Variants in LRP1B observed in about 807,000 individuals in gnomAD.
LRP1B encodes LDL receptor related protein 1B, also known as low-density lipoprotein receptor-related protein 1B.
Under a neutral mutation model 556.6 loss-of-function variants are expected in LRP1B, and 217 were observed. The observed-to-expected ratio is 0.39, with a 90% CI of 0.35 to 0.44. LRP1B has a LOEUF of 0.44. LRP1B is among the 20% of genes least tolerant of loss of function. The probability of loss-of-function intolerance (pLI) is 1.00; values close to 1 mark genes in which losing one functional copy is unlikely to be tolerated. For missense variants in LRP1B, 5,053 were observed against 5,620.8 expected (o/e 0.90, Z 3.23); for synonymous variants, 2,047 against 1,865.8 (o/e 1.10, Z -2.50).
At chr2:140,938,038 TCAACATCTCTAACA>T (rs1295350907) in intron 20 of LRP1B, among the ~76,000 whole-genome samples, 2 of 151,952 alleles carry the variant, frequency 1.3e-5, no homozygotes, top group Admixed American at 6.6e-5. Context: ...GCTGTCTCAA[TCAACATCTCTAACA>T]CAGGATGCAA....
chr2:140,584,875 CCTTTT>C (rs147636241), intron 43 of LRP1B, among the ~76,000 whole-genome samples: 1 of 151,410 alleles, frequency 6.6e-6, no homozygotes, highest in African/African-American at 2.4e-5. Context: ...TTGATTTTGG[CCTTTT>C]CTTTTTTTTA....
intron 2 of LRP1B, among the ~76,000 whole-genome samples, chr2:141,769,600 G>A (rs752689439): frequency 6.6e-6 from 1 of 152,150 alleles, no homozygotes; most frequent in Non-Finnish European, 1.5e-5. Context: ...GTTCTGGATG[G>A]TTAGGGCAAA....
At chr2:140,793,362 G>C (rs1002354397) in intron 32 of LRP1B, among the ~76,000 whole-genome samples, 1 of 151,768 alleles carries the variant, frequency 6.6e-6, no homozygotes, top group African/African-American at 2.4e-5. Flanking sequence ...CTTTAATCTG[G>C]TTTGAGCACA....
chr2:140,536,876 TAAG>T (rs949454802), intron 45 of LRP1B, among the ~76,000 whole-genome samples, 167 bp from the exon 46 acceptor site: 2 of 151,798 alleles, frequency 1.3e-5, no homozygotes, highest in African/African-American at 2.4e-5. Flanking sequence ...ATTAAGATCT[TAAG>T]AAATAATTTT....
At chr2:140,382,355 ATAAAG>A (rs1360595576) in intron 67 of LRP1B, among the ~76,000 whole-genome samples, 4 of 152,188 alleles carry the variant, frequency 2.6e-5, no homozygotes, top group African/African-American at 4.8e-5. Flanking sequence ...ATGTAAGGCT[ATAAAG>A]TAATTTATTT....
chr2:141,641,456 C>T (rs1480296067), intron 2 of LRP1B, among the ~76,000 whole-genome samples: 1 of 151,974 alleles, frequency 6.6e-6, no homozygotes, highest in Non-Finnish European at 1.5e-5. Flanking sequence ...TCATTATAGG[C>T]TATATAGTTT....
At chr2:142,019,219 C>A (rs1703251507) in intron 1 of LRP1B, among the ~76,000 whole-genome samples, 1 of 152,088 alleles carries the variant, frequency 6.6e-6, no homozygotes, top group Non-Finnish European at 1.5e-5. Flanking sequence ...GAGAAATTAA[C>A]CATATTGTGT....
rs142295333 is a variant in LRP1B at position 140,462,557 on chromosome 2, G to A, written c.9626-4906C>T. Among the ~76,000 whole-genome samples the A allele has an allele frequency of 3.1e-3, 479 of 152,278 alleles. 6 individuals are homozygous for A. Among genetic ancestry groups the A allele is most frequent in the African/African-American group, 0.011 (454 of 41,554 alleles). On this transcript the variant is annotated intron_variant, in intron 60 of 90. Coordinates refer to ENST00000389484, the MANE Select transcript of LRP1B (RefSeq NM_018557.3). ...AGTTGAGCGTAGATGGAAAGGGGAT[G>A]AATAAATATTCTGACTTCCTTTTCT...
At chr2:140,722,177 T>C (rs1341342689) in intron 35 of LRP1B, among the ~76,000 whole-genome samples, 1 of 152,238 alleles carries the variant, frequency 6.6e-6, no homozygotes, top group Non-Finnish European at 1.5e-5. Context: ...ATTCATCTTT[T>C]CTGTTGAAAG....
chr2:141,501,892 A>G (rs1683726090), intron 2 of LRP1B, among the ~76,000 whole-genome samples: 1 of 140,500 alleles, frequency 7.1e-6, no homozygotes, highest in South Asian at 2.4e-4. Flanking sequence ...TATGACTGAG[A>G]AAGTGACTGA....
intron 29 of LRP1B, among the ~76,000 whole-genome samples, chr2:140,847,494 C>T (rs768523251): frequency 3.3e-5 from 5 of 152,102 alleles, no homozygotes; most frequent in South Asian, 2.1e-4. Flanking sequence ...TCAGGCTGGG[C>T]GCAGTGGTTC....
At chr2:140,787,557 G>GTTTTTTTT (rs1689949168) in intron 32 of LRP1B, among the ~76,000 whole-genome samples, 1 of 81,870 alleles carries the variant, frequency 1.2e-5, no homozygotes, top group African/African-American at 5.5e-5. Context: ...TAAAACAGAA[G>GTTTTTTTT]ATTTTTTTTT....
chr2:141,347,134 A>G (rs1332368963), intron 3 of LRP1B, among the ~76,000 whole-genome samples: 1 of 152,126 alleles, frequency 6.6e-6, no homozygotes, highest in African/African-American at 2.4e-5. Flanking sequence ...TAAGTTTTGT[A>G]TAAGTTACTT....
chr2:140,233,156 A>G lies in LRP1B; in HGVS notation c.*30T>C, dbSNP rs147658745. ...CAAAAGTAATCCTTATATTTTATAC[A>G]TTTATACAGCATATAAAAGATATCA... On this transcript the variant is annotated 3_prime_UTR_variant, in exon 91 of 91. Coordinates refer to ENST00000389484, the MANE Select transcript of LRP1B (RefSeq NM_018557.3). 21 of 1,453,218 alleles carry G rather than the reference A, an allele frequency of 1.4e-5. No homozygotes were observed. Among genetic ancestry groups the G allele is most frequent in the Non-Finnish European group, 2.9e-6 (3 of 1,051,444 alleles). 90.0% of individuals were successfully genotyped at this position (1,453,218 alleles called of 1,614,324 possible).
In LRP1B at chr2:141,710,542, C is replaced by G. The variant is rs1220390050; in HGVS notation, c.205+99737G>C. On this transcript the variant is annotated intron_variant, in intron 2 of 90. Coordinates refer to ENST00000389484, the MANE Select transcript of LRP1B (RefSeq NM_018557.3). ...AGGTTCTTCCACTCAAGTGCATCACCTGTTGCTCTATCTATAGGGGTTGAA... is the reference window on the plus strand; with the variant it reads ...AGGTTCTTCCACTCAAGTGCATCACGTGTTGCTCTATCTATAGGGGTTGAA... 3.3e-5 allele frequency among the ~76,000 whole-genome samples: 5 copies of G among 152,124 alleles called. No homozygotes were observed. The South Asian group carries it at 1.0e-3, about 32-fold the overall frequency.
At position 140,516,985 on chromosome 2, in the gene LRP1B, T is replaced by G; in HGVS notation, c.8053A>C (p.Asn2685His). 6.3e-7 allele frequency: 1 copy of G among 1,594,772 alleles called. No homozygotes were observed. Among genetic ancestry groups the G allele is most frequent in the Non-Finnish European group, 8.6e-7 (1 of 1,162,580 alleles). Reference sequence around the variant, plus strand: ...CTTCCACTAGGACAACTAAAATAATTTTCTTCACATTTGTGTTTGTTTTGA... The same window carrying G: ...CTTCCACTAGGACAACTAAAATAATGTTCTTCACATTTGTGTTTGTTTTGA... ...PVQNKHKCEENYFSCPSGRCI... is the reference protein window; with the variant it reads ...PVQNKHKCEEHYFSCPSGRCI... Residue 2685 changes from asparagine to histidine, a missense_variant, in exon 50 of 91, where the codon AAT (asparagine) becomes CAT (histidine). Asn to His is a moderately conservative substitution (Grantham distance 68, BLOSUM62 1). Transcript: ENST00000389484.
At chr2:141,947,879 G>A (rs1700999949) in intron 1 of LRP1B, among the ~76,000 whole-genome samples, 1 of 151,112 alleles carries the variant, frequency 6.6e-6, no homozygotes, top group Admixed American at 6.6e-5. Flanking sequence ...ACTCACATCT[G>A]TTGAGCTGTG....
chr2:140,611,397 T>G (rs1683067135), intron 41 of LRP1B, among the ~76,000 whole-genome samples: 1 of 151,992 alleles, frequency 6.6e-6, no homozygotes, highest in Non-Finnish European at 1.5e-5. Flanking sequence ...TTAGAAAATA[T>G]CAAATTTTGA....
At position 140,788,996 on chromosome 2, in the gene LRP1B, A is replaced by G. The variant is rs75119415; in HGVS notation, c.5360-12758T>C. Among the ~76,000 whole-genome samples, 71 of 152,224 alleles carry G rather than the reference A, an allele frequency of 4.7e-4. 1 individual carries two copies. The highest frequency in any genetic ancestry group is 1.7e-3 in the African/African-American group (70 of 41,556). On this transcript the variant is annotated intron_variant, in intron 32 of 90. Coordinates refer to ENST00000389484, the MANE Select transcript of LRP1B (RefSeq NM_018557.3). ...GACCTCAGAAGAAACCAAACCTACTAACACCTTGATTTCGGATTTCTAAGC... is the reference window on the plus strand; with the variant it reads ...GACCTCAGAAGAAACCAAACCTACTGACACCTTGATTTCGGATTTCTAAGC...
Sources: gnomAD v4.1 joint callset for allele counts (sites outside exome capture counted in the v4.1 genomes callset) on GRCh38, gnomAD v4.1.1 for gene constraint, MANE v1.5 for transcripts, NCBI Gene and HGNC (gene_info 2026-07-23, HGNC 2026-07-21) for gene names.